SVBP: variants seen among roughly 807,000 people sequenced by gnomAD.
SVBP encodes the protein small vasohibin binding protein.
Under a neutral mutation model 9.2 loss-of-function variants are expected in SVBP, and 9 were observed. The ratio of observed to expected loss-of-function variants is 0.98; its 90% CI spans 0.59 to 1.71. The LOEUF is 1.71. SVBP is among the 40% of genes most tolerant of loss of function. SVBP has a pLI of 0.00. For missense variants in SVBP, 63 were observed against 73.2 expected (o/e 0.86, Z 0.51); for synonymous variants, 27 against 23.9 (o/e 1.13, Z -0.37).
At chr1:42,810,524 A>G (rs912654716) in intron 2 of SVBP, among the ~76,000 whole-genome samples, 2 of 152,140 alleles carry the variant, frequency 1.3e-5, no homozygotes, top group Non-Finnish European at 2.9e-5. Context: ...TAATCTGCAC[A>G]TTACTGTACT....
In SVBP at chr1:42,807,158, T is replaced by TG. The variant is rs1340867689; in HGVS notation, c.*255_*256insC. ...AAAAAGTGTTTTTTGTGTGTGTTTT[T>TG]TTTTTTTTTTTAAAAAAACCCAAAA... On this transcript the variant is annotated 3_prime_UTR_variant, in exon 3 of 3. Coordinates refer to ENST00000372521, the MANE Select transcript of SVBP (RefSeq NM_199342.4). 1.0e-5 allele frequency: 3 copies of TG among 288,072 alleles called. No homozygotes were observed. Among genetic ancestry groups the TG allele is most frequent in the Non-Finnish European group, 1.9e-5 (3 of 157,128 alleles). 17.8% of individuals were successfully genotyped at this position (288,072 alleles called of 1,614,324 possible). A position where few individuals can be genotyped will look rare whatever the true frequency, so the allele number is the denominator to read the frequency against.
At chr1:42,813,017 A>G (rs970640473) in intron 2 of SVBP, among the ~76,000 whole-genome samples, 2 of 152,078 alleles carry the variant, frequency 1.3e-5, no homozygotes, top group Non-Finnish European at 2.9e-5. Context: ...AAACTATGTG[A>G]AAAAAAATCA....
intron 2 of SVBP, chr1:42,813,530 CT>C: frequency 1.9e-6 from 1 of 533,866 alleles, no homozygotes; most frequent in Admixed American, 2.0e-5. Context: ...TTTATAATTT[CT>C]TCAAAATTTT....
Position 42,816,529 on chromosome 1 carries a change from G to T in SVBP, c.16C>A (p.Arg6Ser). 1.9e-6 allele frequency: 3 copies of T among 1,613,336 alleles called. No homozygotes were observed. Among genetic ancestry groups the T allele is most frequent in the Non-Finnish European group, 2.5e-6 (3 of 1,179,440 alleles). The change falls in exon 2 of 3, where the codon CGT becomes AGT. Residue 6 changes from arginine to serine, a missense_variant. Coordinates refer to ENST00000372521, the MANE Select transcript of SVBP (RefSeq NM_199342.4). Reference protein sequence around the residue: MDPPARKEKTKVKESV... With the variant: MDPPASKEKTKVKESV... ...TCTTTAACTTTGGTTTTTTCTTTACGTGCAGGTGGATCCATGGCTTGACTT... is the reference window on the plus strand; with the variant it reads ...TCTTTAACTTTGGTTTTTTCTTTACTTGCAGGTGGATCCATGGCTTGACTT...
chr1:42,813,854 G>A, intron 2 of SVBP: 1 of 320,278 alleles, frequency 3.1e-6, no homozygotes, highest in Non-Finnish European at 6.3e-6. Flanking sequence ...TGAGGACCCG[G>A]ATCCAGGTGG....
intron 1 of SVBP, 57 bp downstream of exon 1, chr1:42,817,133 C>T: frequency 8.4e-7 from 1 of 1,192,744 alleles, no homozygotes; most frequent in Non-Finnish European, 1.1e-6. Flanking sequence ...TCTTCCCTCT[C>T]CTGGAGGAAA....
At chr1:42,807,865 T>C (rs1653993370) in intron 2 of SVBP, among the ~76,000 whole-genome samples, 1 of 151,844 alleles carries the variant, frequency 6.6e-6, no homozygotes, top group African/African-American at 2.4e-5. Flanking sequence ...GGCTGCAAAT[T>C]GGCCATCTCA....
intron 2 of SVBP, among the ~76,000 whole-genome samples, chr1:42,812,855 T>C (rs1654109650): frequency 6.6e-6 from 1 of 152,206 alleles, no homozygotes; most frequent in Admixed American, 6.5e-5. Context: ...CCTCTACAAA[T>C]AGAGCTCTTT....
intron 2 of SVBP, chr1:42,813,490 A>C: frequency 1.8e-6 from 1 of 553,552 alleles, no homozygotes; most frequent in East Asian, 5.2e-5. Flanking sequence ...AGTGACATCT[A>C]ATCTGGATGG....
chr1:42,813,390 A>G (rs1452475414), intron 2 of SVBP: 2 of 515,638 alleles, frequency 3.9e-6, no homozygotes, highest in Non-Finnish European at 7.7e-6. Context: ...GTTGTGTTTG[A>G]ACACCATCTA....
At chr1:42,813,573 G>T in intron 2 of SVBP, 1 of 530,082 alleles carries the variant, frequency 1.9e-6, no homozygotes, top group Non-Finnish European at 3.8e-6. Flanking sequence ...ATTTTCATTT[G>T]GTTTTCCAAA....
chr1:42,808,369 T>C (rs1654011540), intron 2 of SVBP, among the ~76,000 whole-genome samples: 1 of 144,656 alleles, frequency 6.9e-6, no homozygotes, highest in African/African-American at 2.5e-5. Flanking sequence ...ATGGTATATA[T>C]ACTATATAGT....
chr1:42,807,884 T>A (rs922451969), intron 2 of SVBP, among the ~76,000 whole-genome samples: 1 of 151,988 alleles, frequency 6.6e-6, no homozygotes, highest in African/African-American at 2.4e-5. Flanking sequence ...CAGCTTAAAA[T>A]CTATCATGGG....
intron 2 of SVBP, among the ~76,000 whole-genome samples, chr1:42,810,332 G>A (rs1195103150): frequency 1.3e-5 from 2 of 152,056 alleles, no homozygotes; most frequent in Non-Finnish European, 2.9e-5. Context: ...TATTTTAGTA[G>A]AGACGGGATT....
intron 1 of SVBP, 60 bp downstream of exon 1, chr1:42,817,130 T>G (rs745609221): frequency 9.0e-7 from 1 of 1,110,260 alleles, no homozygotes; most frequent in South Asian, 1.6e-5. Flanking sequence ...CCCTCTTCCC[T>G]CTCCTGGAGG....
chr1:42,809,306 G>GA (rs1226002433), intron 2 of SVBP, among the ~76,000 whole-genome samples: 2 of 151,928 alleles, frequency 1.3e-5, no homozygotes, highest in East Asian at 3.8e-4. Flanking sequence ...AAGGAAGGGG[G>GA]AAAAAATGAA....
rs1459075330 is a variant in SVBP at position 42,817,303 on chromosome 1, G to A, written c.-150C>T. On this transcript the variant is annotated 5_prime_UTR_variant, in exon 1 of 3. Coordinates refer to ENST00000372521, the MANE Select transcript of SVBP (RefSeq NM_199342.4). ...CTGGACCCAGCGCTGCCTGCCCACCGCCCCTCGTCCTGGGCGGGGCCGCGC... is the reference window on the plus strand; with the variant it reads ...CTGGACCCAGCGCTGCCTGCCCACCACCCCTCGTCCTGGGCGGGGCCGCGC... 4.2e-6 allele frequency: 5 copies of A among 1,190,372 alleles called. No homozygotes were observed. The highest frequency in any genetic ancestry group is 9.1e-5 in the East Asian group (1 of 10,938). The allele number at this position is 1,190,372 out of a possible 1,614,324, so 73.7% of individuals were successfully genotyped here.
At chr1:42,814,563 C>T (rs1050941629) in intron 2 of SVBP, among the ~76,000 whole-genome samples, 2 of 151,786 alleles carry the variant, frequency 1.3e-5, no homozygotes, top group African/African-American at 4.8e-5. Flanking sequence ...TTGCAGTGAG[C>T]AGAGATCACG....
intron 2 of SVBP, chr1:42,813,561 C>T (rs551462833): frequency 1.9e-5 from 10 of 532,040 alleles, no homozygotes; most frequent in South Asian, 1.3e-4. Flanking sequence ...CAGAGATACT[C>T]CATTTTCATT....
Sources: allele counts gnomAD v4.1 joint callset (sites outside exome capture counted in the v4.1 genomes callset), GRCh38; gene constraint gnomAD v4.1.1; transcripts MANE v1.5; gene names NCBI Gene and HGNC (gene_info 2026-07-23, HGNC 2026-07-21).